Variants in SMC1B observed in about 807,000 individuals in gnomAD.
SMC1B encodes structural maintenance of chromosomes protein 1B.
A neutral mutation model predicts 157.9 loss-of-function variants in SMC1B; 60 were observed. That is an observed-to-expected ratio of 0.38 (90% CI 0.31 to 0.47). SMC1B has a LOEUF of 0.47. Among genes scored for constraint, SMC1B ranks in the 20% least tolerant of loss-of-function variants. The pLI is 0.99. For synonymous variants in SMC1B, 445 were observed against 483.0 expected (o/e 0.92, Z 1.03); for missense variants, 1,165 against 1,426.2 (o/e 0.82, Z 2.95).
intron 10 of SMC1B, among the ~76,000 whole-genome samples, chr22:45,389,101 T>A (rs2087027188): frequency 6.6e-6 from 1 of 151,906 alleles, no homozygotes. Flanking sequence ...GCAGTCCAGC[T>A]CTAAGGCATG....
chr22:45,398,185 G>A (rs74316003), intron 6 of SMC1B, among the ~76,000 whole-genome samples: 2,692 of 152,272 alleles, frequency 0.018, 77 homozygotes, highest in African/African-American at 0.063. Context: ...GGGGCTTTGG[G>A]GTCAGGAGCA....
intron 14 of SMC1B, 137 bp downstream of exon 14, chr22:45,371,334 A>G (rs2086828800): frequency 6.2e-6 from 8 of 1,293,628 alleles, no homozygotes; most frequent in Non-Finnish European, 6.9e-6. Context: ...AATAAAACTT[A>G]GCTTACAACA....
intron 14 of SMC1B, among the ~76,000 whole-genome samples, chr22:45,370,539 A>G (rs1322766616): frequency 6.6e-6 from 1 of 152,238 alleles, no homozygotes; most frequent in Admixed American, 6.5e-5. Flanking sequence ...TAAAGCTCTC[A>G]TTTTATGTAT....
rs541554770 is a variant in SMC1B at position 45,397,140 on chromosome 22, TATC to T, written c.1114-657_1114-655del. Reference sequence around the variant, plus strand: ...ATAACTATATAAGTAGAAAAAAATATATCATTTTCTCTGGATTCTCCTTTCTCT... The same window carrying T: ...ATAACTATATAAGTAGAAAAAAATATATTTTCTCTGGATTCTCCTTTCTCT... On this transcript the variant is annotated intron_variant, in intron 6 of 24. Coordinates refer to ENST00000357450, the MANE Select transcript of SMC1B (RefSeq NM_148674.5). Among the ~76,000 whole-genome samples the T allele has an allele frequency of 8.3e-3, 1,255 of 151,984 alleles. 9 individuals carry two copies. Among genetic ancestry groups the T allele is most frequent in the Non-Finnish European group, 0.014 (945 of 68,008 alleles).
At chr22:45,398,347 C>T (rs1043110801) in intron 6 of SMC1B, among the ~76,000 whole-genome samples, 7 of 152,184 alleles carry the variant, frequency 4.6e-5, no homozygotes, top group Non-Finnish European at 8.8e-5. Flanking sequence ...TAAACTTGCT[C>T]GCTCACACAC....
At chr22:45,389,018 GA>G (rs970781472) in intron 10 of SMC1B, among the ~76,000 whole-genome samples, 3 of 129,314 alleles carry the variant, frequency 2.3e-5, no homozygotes, top group East Asian at 2.3e-4. Flanking sequence ...AAAGAAAAAA[GA>G]AAAAAAAAAG....
intron 15 of SMC1B, among the ~76,000 whole-genome samples, chr22:45,366,015 GGTTTGTTT>G (rs144251068): frequency 6.6e-5 from 10 of 151,798 alleles, no homozygotes; most frequent in African/African-American, 1.7e-4. Context: ...TTGTTTTTTG[GGTTTGTTT>G]GTTTGTTTGT....
At chr22:45,364,576 T>TG (rs2086754305) in intron 15 of SMC1B, among the ~76,000 whole-genome samples, 1 of 152,302 alleles carries the variant, frequency 6.6e-6, no homozygotes, top group South Asian at 2.1e-4. Flanking sequence ...GAGCCAGGGA[T>TG]GACACACTCA....
In SMC1B at chr22:45,394,750, T is replaced by A. The variant is rs1186529055; in HGVS notation, c.1272A>T (p.Ile424=). ...TTTTATGATCTTCTATTTGTTCTTT[T>A]ATTTGTTTTAGATTTCCCTAAAAGA... ...HGEVQGNLKQ[I]KEQIEDHKKR... The change falls in exon 8 of 25, where the codon ATA becomes ATT. Residue 424 remains isoleucine, a synonymous_variant. Coordinates refer to ENST00000357450, the MANE Select transcript of SMC1B (RefSeq NM_148674.5). The A allele has an allele frequency of 1.9e-6, 3 of 1,546,650 alleles. No homozygotes were observed. In the Admixed American group the frequency reaches 5.8e-5, roughly 30 times the overall value.
chr22:45,360,599 G>A (rs1489023791), intron 17 of SMC1B, among the ~76,000 whole-genome samples: 2 of 151,594 alleles, frequency 1.3e-5, no homozygotes, highest in African/African-American at 4.9e-5. Context: ...GATCATTTAA[G>A]CCCAGAAGTT....
In SMC1B at chr22:45,413,535, A is replaced by C; in HGVS notation, c.33T>G (p.Asn11Lys). Residue 11 changes from asparagine (N) to lysine (K), a missense_variant, in exon 1 of 25, where the codon AAT (asparagine) becomes AAG (lysine). Transcript: ENST00000357450. MAHLELLLVE[N>K]FKSWRGRQVI... ...CCTGGCGGCCCCGCCACGACTTGAA[A>C]TTTTCCACAAGCAGCAGCTCCAGGT... 1 of 1,612,136 alleles carries C rather than the reference A, an allele frequency of 6.2e-7. No homozygotes were observed. The highest frequency in any genetic ancestry group is 8.5e-7 in the Non-Finnish European group (1 of 1,179,234).
At chr22:45,391,488 TTTG>T (rs2087058534) in intron 9 of SMC1B, among the ~76,000 whole-genome samples, 1 of 152,356 alleles carries the variant, frequency 6.6e-6, no homozygotes, top group Non-Finnish European at 1.5e-5. Context: ...TTTCTTTCTC[TTTG>T]TTGTTATTAT....
At chr22:45,402,190 T>G (rs1386242984) in intron 5 of SMC1B, 143 bp downstream of exon 5, 4 of 669,918 alleles carry the variant, frequency 6.0e-6, no homozygotes, top group Admixed American at 5.7e-5. Flanking sequence ...GCCTATACTA[T>G]CTTTATAATT....
Position 45,396,378 on chromosome 22 carries a change from C to A in SMC1B, c.1222G>T (p.Ala408Ser), listed in dbSNP as rs564603358. ...WEQKTDEERL[A>S]FEKRRHGEVQ... ...TCTCCATGCCTCCTCTTTTCAAATG[C>A]CAGTCTTTCTTCATCTGTCTTCTGT... The change falls in exon 7 of 25, where the codon GCA becomes TCA. Residue 408 changes from alanine to serine, a missense_variant. By Grantham distance (99) the Ala-to-Ser change is moderately conservative. Transcript: ENST00000357450. 1.9e-6 allele frequency: 3 copies of A among 1,613,012 alleles called. No homozygotes were observed. The highest frequency in any genetic ancestry group is 1.7e-5 in the Admixed American group (1 of 59,858).
At chr22:45,395,781 T>G (rs2087115897) in intron 7 of SMC1B, among the ~76,000 whole-genome samples, 1 of 152,158 alleles carries the variant, frequency 6.6e-6, no homozygotes, top group African/African-American at 2.4e-5. Context: ...TGCCTGAACC[T>G]GGGAGGCGGA....
intron 19 of SMC1B, among the ~76,000 whole-genome samples, chr22:45,355,995 G>A (rs926972863): frequency 6.6e-6 from 1 of 152,152 alleles, no homozygotes; most frequent in East Asian, 1.9e-4. Context: ...GCTTGAACCC[G>A]AGAGGTGGAG....
intron 15 of SMC1B, among the ~76,000 whole-genome samples, chr22:45,365,645 C>T (rs1161895493): frequency 6.6e-6 from 1 of 152,164 alleles, no homozygotes; most frequent in Non-Finnish European, 1.5e-5. Context: ...GCAGAGGTAG[C>T]AGTGAGCCAA....
chr22:45,368,285 G>T (rs7291368), intron 15 of SMC1B, among the ~76,000 whole-genome samples: 69,666 of 151,682 alleles, frequency 0.46, 18,172 homozygotes, highest in African/African-American at 0.71. Context: ...TTAAACAATA[G>T]ATTTCCTGAT....
chr22:45,408,713 G>A lies in SMC1B; in HGVS notation c.295C>T (p.Arg99Ter). ...GEEKTFARII[R>*]GGCSEFRFND... ...AAAAAAAATTATAAAAAAATACCTC[G>A]GATAATCCTTGCAAATGTTTTCTCT... The change falls in exon 2 of 25, where the codon CGA (arginine) becomes TGA (stop). Residue 99 changes from arginine (R) to a stop codon, truncating the protein, a stop_gained. Coordinates refer to ENST00000357450, the MANE Select transcript of SMC1B (RefSeq NM_148674.5). LOFTEE classifies it high-confidence loss of function. 1.3e-6 allele frequency: 2 copies of A among 1,575,538 alleles called. No individual in the cohort carries two copies. Among genetic ancestry groups the A allele is most frequent in the South Asian group, 1.2e-5 (1 of 83,792 alleles).
Sources: allele counts gnomAD v4.1 joint callset (sites outside exome capture counted in the v4.1 genomes callset), GRCh38; gene constraint gnomAD v4.1.1; transcripts MANE v1.5; gene names NCBI Gene and HGNC (gene_info 2026-07-23, HGNC 2026-07-21).